KIAA0232: variants seen among roughly 807,000 people sequenced by gnomAD.
KIAA0232 encodes KIAA0232.
KIAA0232 carries 27 observed loss-of-function variants against 122.0 expected under a neutral mutation model. The ratio of observed to expected loss-of-function variants is 0.22; its 90% CI spans 0.16 to 0.31. The LOEUF (loss-of-function observed/expected upper bound fraction) is 0.31, where lower values mean the gene tolerates loss of function less well. Among genes scored for constraint, KIAA0232 ranks in the 10% least tolerant of loss-of-function variants. KIAA0232 has a pLI of 1.00. For missense variants in KIAA0232, 1,551 were observed against 1,634.2 expected (o/e 0.95, Z 0.88); for synonymous variants, 613 against 587.6 (o/e 1.04, Z -0.63).
At chr4:6,835,953 G>A (rs531683419) in intron 3 of KIAA0232, among the ~76,000 whole-genome samples, 1 of 152,314 alleles carries the variant, frequency 6.6e-6, no homozygotes, top group Non-Finnish European at 1.5e-5. Flanking sequence ...CTTTATAGTA[G>A]CATGATTTAT....
At chr4:6,813,391 C>A (rs958850017) in intron 2 of KIAA0232, among the ~76,000 whole-genome samples, 1 of 148,486 alleles carries the variant, frequency 6.7e-6, no homozygotes, top group Non-Finnish European at 1.5e-5. Flanking sequence ...GAGACGGAGT[C>A]TCGCTCTGTT....
At chr4:6,856,098 C>G (rs1379567400) in intron 4 of KIAA0232, among the ~76,000 whole-genome samples, 1 of 148,442 alleles carries the variant, frequency 6.7e-6, no homozygotes, top group Non-Finnish European at 1.5e-5. Flanking sequence ...TCATTGTAAT[C>G]TGTTTCTTGC....
At chr4:6,825,887 C>A (rs1718653141) in intron 3 of KIAA0232, among the ~76,000 whole-genome samples, 1 of 152,104 alleles carries the variant, frequency 6.6e-6, no homozygotes, top group Admixed American at 6.6e-5. Flanking sequence ...TTGGCTTTGC[C>A]CCTCCAGACC....
Position 6,861,564 on chromosome 4 carries a change from A to G in KIAA0232, c.1182A>G (p.Thr394=), listed in dbSNP as rs1382941126. ...KDLYMENRKD[T]EYKEEPLWYT... ...TGTACATGGAGAATAGAAAGGACAC[A>G]GAGTATAAAGAGGAGCCCTTGTGGT... Residue 394 remains threonine, a synonymous_variant, in exon 7 of 10, where the codon ACA becomes ACG. Transcript: ENST00000307659. 4 of 1,614,118 alleles carry G rather than the reference A, an allele frequency of 2.5e-6. No homozygotes were observed. In the South Asian group the frequency reaches 3.3e-5, roughly 13 times the overall value.
At chr4:6,858,899 C>T (rs1394838051) in intron 6 of KIAA0232, among the ~76,000 whole-genome samples, 3 of 151,978 alleles carry the variant, frequency 2.0e-5, no homozygotes, top group African/African-American at 4.8e-5. Flanking sequence ...CACCTGAGGT[C>T]AGGAGTTTGA....
At chr4:6,803,725 T>C (rs1212809007) in intron 1 of KIAA0232, among the ~76,000 whole-genome samples, 2 of 152,234 alleles carry the variant, frequency 1.3e-5, no homozygotes. Flanking sequence ...TGGATTTTTA[T>C]GTTTAATGTT....
intron 1 of KIAA0232, among the ~76,000 whole-genome samples, chr4:6,787,142 C>A (rs2108853117): frequency 7.3e-6 from 1 of 137,358 alleles, no homozygotes; most frequent in South Asian, 2.2e-4. Context: ...GATCACACCA[C>A]TGGACTCCAG....
intron 3 of KIAA0232, among the ~76,000 whole-genome samples, chr4:6,831,523 A>G (rs1718979959): frequency 6.6e-6 from 1 of 152,202 alleles, no homozygotes; most frequent in South Asian, 2.1e-4. Flanking sequence ...CATATAGAGA[A>G]CAACCATGGA....
At chr4:6,839,983 C>T (rs773048022) in intron 3 of KIAA0232, among the ~76,000 whole-genome samples, 21 of 152,166 alleles carry the variant, frequency 1.4e-4, no homozygotes, top group Non-Finnish European at 2.8e-4. Flanking sequence ...ACTGAATGCT[C>T]TCCTCAGAAT....
At position 6,816,504 on chromosome 4, in the gene KIAA0232, G is replaced by A. The variant is rs1297466172; in HGVS notation, c.-269-7681G>A. ...TCACCGTGTTAGCCAGGATGGTATC[G>A]ATCTCCTGACCTCGTGATCCACCCG... is the stretch of plus-strand genomic sequence containing the variant. On this transcript the variant is annotated intron_variant, in intron 2 of 9. Coordinates refer to ENST00000307659, the MANE Select transcript of KIAA0232 (RefSeq NM_014743.3). Among the ~76,000 whole-genome samples, 6 of 151,982 alleles carry A rather than the reference G, an allele frequency of 3.9e-5. No homozygotes were observed. In the East Asian group the frequency reaches 7.7e-4, roughly 20 times the overall value.
intron 3 of KIAA0232, among the ~76,000 whole-genome samples, chr4:6,839,400 G>A (rs1238639161): frequency 6.6e-6 from 1 of 152,164 alleles, no homozygotes; most frequent in Non-Finnish European, 1.5e-5. Context: ...CACTTTTTGT[G>A]TGTGTAAAAT....
At chr4:6,799,923 G>C (rs1717301078) in intron 1 of KIAA0232, among the ~76,000 whole-genome samples, 1 of 151,458 alleles carries the variant, frequency 6.6e-6, no homozygotes, top group African/African-American at 2.4e-5. Flanking sequence ...TCCATCTCCT[G>C]ACATCATGAT....
intron 2 of KIAA0232, among the ~76,000 whole-genome samples, chr4:6,810,198 C>T (rs61507191): frequency 0.1 from 15,399 of 151,064 alleles, 902 homozygotes; most frequent in African/African-American, 0.12. Context: ...GTATAGTAAC[C>T]GAAACAGCAT....
intron 4 of KIAA0232, among the ~76,000 whole-genome samples, chr4:6,851,741 A>T (rs949446380): frequency 6.6e-6 from 1 of 151,342 alleles, no homozygotes; most frequent in African/African-American, 2.4e-5. Context: ...AAAAAAAAAA[A>T]AGCGGGGAGG....
chr4:6,861,158 T>A lies in KIAA0232; in HGVS notation c.776T>A (p.Phe259Tyr). 1 of 1,613,980 alleles carries A rather than the reference T, an allele frequency of 6.2e-7. No individual in the cohort carries two copies. Among genetic ancestry groups the A allele is most frequent in the Non-Finnish European group, 8.5e-7 (1 of 1,180,030 alleles). The change falls in exon 7 of 10, where the codon TTT becomes TAT. Residue 259 changes from phenylalanine to tyrosine, a missense_variant. Physicochemically the swap from Phe to Tyr is conservative, Grantham distance 22. Transcript: ENST00000307659. ...AGCAAAAACGAGAAGGAAAACAAATTTAGTAATGGCACAATTGAAGAAAAG... is the reference window on the plus strand; with the variant it reads ...AGCAAAAACGAGAAGGAAAACAAATATAGTAATGGCACAATTGAAGAAAAG... ...SKSKNEKENK[F>Y]SNGTIEEKPA...
At chr4:6,860,404 C>T (rs10006395) in intron 6 of KIAA0232, among the ~76,000 whole-genome samples, 23,805 of 152,084 alleles carry the variant, frequency 0.16, 2,163 homozygotes, top group Middle Eastern at 0.25. Context: ...TGATTGCTAC[C>T]GAGCTTTTTA....
rs1400301321 is a variant in KIAA0232, at chr4:6,861,430, A to T, written c.1048A>T (p.Ser350Cys). The change falls in exon 7 of 10, where the codon AGT becomes TGT. Residue 350 changes from serine (S) to cysteine (C), a missense_variant. By Grantham distance (112) the Ser-to-Cys change is moderately radical. Transcript: ENST00000307659. ...EKAERNIHTG[S>C]SSSSSSGSVK... is the part of the protein sequence containing the mutation. ...GGCTGAAAGGAACATTCATACTGGAAGTAGTAGCAGTAGCAGCAGTGGTTC... is the reference window on the plus strand; with the variant it reads ...GGCTGAAAGGAACATTCATACTGGATGTAGTAGCAGTAGCAGCAGTGGTTC... The T allele has an allele frequency of 6.8e-6, 11 of 1,614,240 alleles. No individual in the cohort carries two copies. Among genetic ancestry groups the T allele is most frequent in the Non-Finnish European group, 8.5e-6 (10 of 1,180,044 alleles).
Position 6,880,782 on chromosome 4 carries a change from C to T in KIAA0232, c.4009-5C>T, listed in dbSNP as rs1334271554. The stretch of plus-strand genomic sequence containing the variant: ...TTGATGTGTTGAAAATTGTTTTAAT[C>T]TTAGGTGTCTTCTGTTTATGAAGCA... On this transcript the variant is annotated splice_polypyrimidine_tract_variant and splice_region_variant and intron_variant, in intron 9 of 9. Transcript: ENST00000307659. 60 of 1,517,442 alleles carry T rather than the reference C, an allele frequency of 4.0e-5. No individual in the cohort carries two copies. The highest frequency in any genetic ancestry group is 5.3e-5 in the Non-Finnish European group (60 of 1,128,788). 94.0% of individuals were successfully genotyped at this position (1,517,442 alleles called of 1,614,324 possible).
chr4:6,864,609 G>A (rs1267526340), intron 7 of KIAA0232, among the ~76,000 whole-genome samples: 1 of 151,764 alleles, frequency 6.6e-6, no homozygotes, highest in Non-Finnish European at 1.5e-5. Context: ...CGTGGTGGCA[G>A]GCACCTGTAA....
Sources: allele counts gnomAD v4.1 joint callset (sites outside exome capture counted in the v4.1 genomes callset), GRCh38; gene constraint gnomAD v4.1.1; transcripts MANE v1.5; gene names NCBI Gene and HGNC (gene_info 2026-07-23, HGNC 2026-07-21).